SRFBP1: variants seen among roughly 807,000 people sequenced by gnomAD.
SRFBP1 encodes the protein serum response factor binding protein 1.
In SRFBP1, 47 loss-of-function variants were observed where a neutral mutation model predicts 45.5. The ratio of observed to expected loss-of-function variants is 1.03; its 90% CI spans 0.82 to 1.32. The LOEUF (loss-of-function observed/expected upper bound fraction) is 1.32. Ranked by LOEUF, SRFBP1 falls within the 40% of genes most tolerant of loss-of-function variation. SRFBP1 has a pLI of 0.00. For missense variants in SRFBP1, 621 were observed against 484.6 expected, an observed-to-expected ratio of 1.28 and a Z score of -2.64; for synonymous variants, 203 against 166.3, an observed-to-expected ratio of 1.22 and a Z score of -1.70.
chr5:121,976,755 T>A (rs921664042), intron 3 of SRFBP1, among the ~76,000 whole-genome samples: 9 of 149,516 alleles, frequency 6.0e-5, no homozygotes, highest in African/African-American at 2.2e-4. Flanking sequence ...ATATATATAA[T>A]ATATATATGT....
intron 2 of SRFBP1, chr5:122,064,344 G>A (rs955353287): frequency 1.3e-4 from 20 of 151,784 alleles, no homozygotes; most frequent in African/African-American, 4.8e-4. Context: ...AATACAGAGT[G>A]TTAAATCAGT....
downstream of SRFBP1, among the ~76,000 whole-genome samples, chr5:122,031,950 A>G (rs925084254): frequency 6.6e-6 from 1 of 152,242 alleles, no homozygotes; most frequent in Non-Finnish European, 1.5e-5. Flanking sequence ...AAAATACATC[A>G]GTGATTGCTA....
At chr5:122,077,805 C>G (rs1030269580), downstream of SRFBP1, 9 of 1,549,686 alleles carry the variant, frequency 5.8e-6, no homozygotes, top group Non-Finnish European at 7.8e-6. The surrounding 1 kb of genome is among the most constrained non-coding windows in gnomAD (Gnocchi z 4.9). Flanking sequence ...TACTGTGAGC[C>G]CAGGCTCAGC....
intron 4 of SRFBP1, among the ~76,000 whole-genome samples, chr5:122,005,849 G>A (rs1050557970): frequency 3.9e-5 from 6 of 151,906 alleles, no homozygotes; most frequent in African/African-American, 9.7e-5. Context: ...TATAATTTAC[G>A]TGTATATTCT....
chr5:122,028,598 C>G lies in SRFBP1; in HGVS notation c.*1472C>G, dbSNP rs1310859423. The G allele has an allele frequency of 1.4e-5, 2 of 147,862 alleles. No homozygotes were observed. The highest frequency in any genetic ancestry group is 5.0e-5 in the African/African-American group (2 of 39,608). The allele number at this position is 147,862 out of a possible 1,614,324, so 9.2% of individuals were successfully genotyped here. A position where few individuals can be genotyped will look rare whatever the true frequency, so the allele number is the denominator to read the frequency against. On this transcript the variant is annotated 3_prime_UTR_variant, in exon 8 of 8. Coordinates refer to ENST00000339397, the MANE Select transcript of SRFBP1 (RefSeq NM_152546.3). The stretch of plus-strand genomic sequence containing the variant: ...CTCCAGCCTGGGTGACAGAGTATGA[C>G]TGTCTCAAAAAAAAAAAAAAATTTG...
intron 4 of SRFBP1, among the ~76,000 whole-genome samples, chr5:122,018,445 A>G (rs1180839076): frequency 2.6e-5 from 4 of 152,194 alleles, no homozygotes; most frequent in Non-Finnish European, 5.9e-5. Context: ...GGGAAAGACA[A>G]ATAGTGGGAA....
At chr5:122,077,775 C>G (rs777539218), downstream of SRFBP1, 7 of 1,548,904 alleles carry the variant, frequency 4.5e-6, no homozygotes, top group African/African-American at 1.4e-5. The surrounding 1 kb of genome is among the most constrained non-coding windows in gnomAD (Gnocchi z 4.9). Flanking sequence ...GCGCCCGGGT[C>G]CCGGCGGCGC....
chr5:121,974,756 C>T (rs1337220693), intron 2 of SRFBP1, among the ~76,000 whole-genome samples: 1 of 151,614 alleles, frequency 6.6e-6, no homozygotes, highest in Non-Finnish European at 1.5e-5. Context: ...TGGAAAAATA[C>T]AATATTTTGT....
chr5:121,983,034 A>C (rs991494427), intron 3 of SRFBP1, among the ~76,000 whole-genome samples: 1 of 151,752 alleles, frequency 6.6e-6, no homozygotes, highest in Admixed American at 6.6e-5. Context: ...TTGAGAAAAG[A>C]GTTAAATATT....
downstream of SRFBP1, among the ~76,000 whole-genome samples, chr5:122,029,540 T>C (rs1271501949): frequency 3.3e-5 from 5 of 152,156 alleles, no homozygotes; most frequent in African/African-American, 1.2e-4. Context: ...TTCCTTCCTC[T>C]AGTATTTTGC....
Position 122,059,989 on chromosome 5 carries a change from C to T in SRFBP1, n.312-15326C>T, listed in dbSNP as rs569210042. ...GCCTTGACCCTCCTTTTTGGAACTCCAGTGTGACATGTTGAATAAGAAGGA... is the reference window on the plus strand; with the variant it reads ...GCCTTGACCCTCCTTTTTGGAACTCTAGTGTGACATGTTGAATAAGAAGGA... On this transcript the variant is annotated intron_variant and non_coding_transcript_variant, in intron 2 of 2. Transcript: ENST00000504881. Among the ~76,000 whole-genome samples the T allele has an allele frequency of 2.0e-5, 3 of 152,138 alleles. No individual in the cohort carries two copies. In the South Asian group the frequency reaches 6.2e-4, roughly 32 times the overall value.
At chr5:122,072,021 A>G (rs760192019) in intron 2 of SRFBP1, among the ~76,000 whole-genome samples, 4 of 152,164 alleles carry the variant, frequency 2.6e-5, no homozygotes, top group Non-Finnish European at 5.9e-5. Flanking sequence ...TAAAATGAAG[A>G]ATTTTTGGTC....
At chr5:122,034,353 T>C (rs1314955899) in intron 2 of SRFBP1, among the ~76,000 whole-genome samples, 2 of 152,196 alleles carry the variant, frequency 1.3e-5, no homozygotes, top group African/African-American at 4.8e-5. Context: ...TTTACTGTGC[T>C]CTTCTTTAAA....
At chr5:122,016,254 T>G (rs1192711325) in intron 4 of SRFBP1, among the ~76,000 whole-genome samples, 1 of 152,186 alleles carries the variant, frequency 6.6e-6, no homozygotes, top group Non-Finnish European at 1.5e-5. Flanking sequence ...TCTTGTCTCC[T>G]ATGCCATTCT....
intron 4 of SRFBP1, among the ~76,000 whole-genome samples, chr5:122,001,543 T>G (rs1361317405): frequency 6.8e-6 from 1 of 147,382 alleles, no homozygotes; most frequent in Non-Finnish European, 1.5e-5. Context: ...CATCCTTTGG[T>G]ATCTTTTTTT....
At chr5:122,043,461 C>G (rs116560189) in intron 2 of SRFBP1, among the ~76,000 whole-genome samples, 6,529 of 152,252 alleles carry the variant, frequency 0.043, 226 homozygotes, top group Non-Finnish European at 0.068. Context: ...AGTGATCCGC[C>G]CACTTCAGCA....
At chr5:122,073,039 T>C (rs1157960305) in intron 2 of SRFBP1, among the ~76,000 whole-genome samples, 2 of 152,166 alleles carry the variant, frequency 1.3e-5, no homozygotes, top group Non-Finnish European at 2.9e-5. Context: ...CCCCTCCAAT[T>C]GCTATGATGT....
At chr5:122,030,704 C>A (rs941045232), downstream of SRFBP1, among the ~76,000 whole-genome samples, 4 of 151,094 alleles carry the variant, frequency 2.6e-5, no homozygotes, top group Non-Finnish European at 4.4e-5. Flanking sequence ...TCTTTAATGT[C>A]TTTTTTGAGT....
At chr5:122,044,582 T>G (rs1753825110) in intron 2 of SRFBP1, among the ~76,000 whole-genome samples, 1 of 152,188 alleles carries the variant, frequency 6.6e-6, no homozygotes, top group African/African-American at 2.4e-5. Flanking sequence ...ATTGTGGTTT[T>G]GATTGACATT....
Sources: gnomAD v4.1 joint callset for allele counts (sites outside exome capture counted in the v4.1 genomes callset) on GRCh38, gnomAD v4.1.1 for gene constraint, Gnocchi (gnomAD v3.1) non-coding constraint, MANE v1.5 for transcripts, NCBI Gene and HGNC (gene_info 2026-07-23, HGNC 2026-07-21) for gene names.